GALNT13: variants seen among roughly 807,000 people sequenced by gnomAD.
The protein encoded by GALNT13 is polypeptide N-acetylgalactosaminyltransferase 13.
A neutral mutation model predicts 64.2 loss-of-function variants in GALNT13; 28 were observed. The observed-to-expected ratio is 0.44, with a 90% CI of 0.32 to 0.60. The LOEUF (loss-of-function observed/expected upper bound fraction) is 0.60. GALNT13 is among the 20% of genes least tolerant of loss of function. GALNT13 has a pLI of 0.05. For synonymous variants in GALNT13, 214 were observed against 224.6 expected, an observed-to-expected ratio of 0.95 and a Z score of 0.42; for missense variants, 577 against 669.8, an observed-to-expected ratio of 0.86 and a Z score of 1.53.
intron 5 of GALNT13, 95 bp downstream of exon 5, chr2:154,242,291 C>A: frequency 9.9e-7 from 1 of 1,005,286 alleles, no homozygotes; most frequent in Non-Finnish European, 1.5e-6. Flanking sequence ...AAAAAGATAA[C>A]TAGGCAATGA....
intron 2 of GALNT13, among the ~76,000 whole-genome samples, chr2:153,910,048 CCTT>C (rs1177724155): frequency 1.3e-5 from 2 of 150,554 alleles, no homozygotes; most frequent in African/African-American, 4.9e-5. Context: ...GTCGGTGAAT[CCTT>C]CTGGCCCTGG....
At chr2:153,109,423 T>A in the GALNT13 span, among the ~76,000 whole-genome samples, 1 of 152,174 alleles carries the variant, frequency 6.6e-6, no homozygotes, top group Non-Finnish European at 1.5e-5. Flanking sequence ...TACATGCTGC[T>A]ATGGAAAACA....
chr2:153,768,401 G>C, the GALNT13 span, among the ~76,000 whole-genome samples: 1 of 152,046 alleles, frequency 6.6e-6, no homozygotes, highest in African/African-American at 2.4e-5. Context: ...TTGAAGTCCC[G>C]TACTATTATT....
intron 4 of GALNT13, among the ~76,000 whole-genome samples, chr2:154,192,515 C>CAT (rs61549884): frequency 0.14 from 20,325 of 150,338 alleles, 1,567 homozygotes; most frequent in East Asian, 0.34. Context: ...GATTGAATGA[C>CAT]ATATATATAT....
At chr2:153,643,837 T>C in the GALNT13 span, among the ~76,000 whole-genome samples, 1 of 152,184 alleles carries the variant, frequency 6.6e-6, no homozygotes, top group Admixed American at 6.6e-5. Flanking sequence ...TACCATATCA[T>C]TTCAATCTAT....
At chr2:153,797,500 T>C in the GALNT13 span, among the ~76,000 whole-genome samples, 20 of 152,102 alleles carry the variant, frequency 1.3e-4, no homozygotes, top group Non-Finnish European at 1.8e-4. Flanking sequence ...GCTCAACATG[T>C]TTAATCTCAA....
chr2:153,994,289 G>T (rs1246457343), intron 3 of GALNT13, among the ~76,000 whole-genome samples: 1 of 152,154 alleles, frequency 6.6e-6, no homozygotes, highest in Non-Finnish European at 1.5e-5. Context: ...GCATATATGT[G>T]CCACATTTTC....
At chr2:153,136,318 T>A in the GALNT13 span, among the ~76,000 whole-genome samples, 2 of 152,080 alleles carry the variant, frequency 1.3e-5, no homozygotes, top group African/African-American at 2.4e-5. Context: ...TTTTCAAAGA[T>A]GAAAATACCA....
chr2:153,947,687 T>C (rs954380844), intron 3 of GALNT13, among the ~76,000 whole-genome samples: 9 of 152,136 alleles, frequency 5.9e-5, no homozygotes, highest in Admixed American at 2.6e-4. Flanking sequence ...TTTGTTTAAT[T>C]AGATCCCATT....
At chr2:153,836,513 T>A in the GALNT13 span, among the ~76,000 whole-genome samples, 16 of 152,096 alleles carry the variant, frequency 1.1e-4, no homozygotes, top group East Asian at 1.4e-3. Flanking sequence ...CTTTTTTTTT[T>A]TATATTTATT....
chr2:153,319,919 C>A, the GALNT13 span, among the ~76,000 whole-genome samples: 1 of 152,036 alleles, frequency 6.6e-6, no homozygotes, highest in African/African-American at 2.4e-5. Context: ...AAAATACTGG[C>A]CATTTTAGTG....
the GALNT13 span, among the ~76,000 whole-genome samples, chr2:153,424,424 T>C: frequency 6.6e-6 from 1 of 151,714 alleles, no homozygotes; most frequent in African/African-American, 2.4e-5. Context: ...AATATGCAAA[T>C]AATTTCTTCC....
the GALNT13 span, among the ~76,000 whole-genome samples, chr2:153,233,496 A>AAT: frequency 6.6e-6 from 1 of 151,858 alleles, no homozygotes; most frequent in Non-Finnish European, 1.5e-5. Flanking sequence ...TAAAAAAAAA[A>AAT]ACTGCTTGTA....
chr2:153,614,131 T>C, the GALNT13 span, among the ~76,000 whole-genome samples: 1 of 152,056 alleles, frequency 6.6e-6, no homozygotes. Flanking sequence ...AAATGAATGA[T>C]ATTTTCTTGA....
At chr2:154,280,185 C>T (rs919714546) in intron 8 of GALNT13, among the ~76,000 whole-genome samples, 10 of 152,154 alleles carry the variant, frequency 6.6e-5, no homozygotes, top group African/African-American at 2.4e-4. Flanking sequence ...TTCTTGTAAG[C>T]ATGAGAGACT....
intron 9 of GALNT13, among the ~76,000 whole-genome samples, chr2:154,372,358 A>G (rs1208828106): frequency 1.3e-5 from 2 of 152,022 alleles, no homozygotes. Flanking sequence ...AGATGTACTG[A>G]TTGATTTGTG....
the GALNT13 span, among the ~76,000 whole-genome samples, chr2:153,456,697 C>T: frequency 2.6e-4 from 40 of 152,122 alleles, no homozygotes; most frequent in Admixed American, 2.6e-3. Flanking sequence ...TTAAGTATTA[C>T]TAATATTCCT....
the GALNT13 span, among the ~76,000 whole-genome samples, chr2:153,255,108 C>T: frequency 6.6e-6 from 1 of 151,824 alleles, no homozygotes. Flanking sequence ...GAGGCTAAGT[C>T]TCTTTGTAGG....
chr2:153,633,328 A>G, the GALNT13 span, among the ~76,000 whole-genome samples: 2 of 152,196 alleles, frequency 1.3e-5, no homozygotes, highest in African/African-American at 4.8e-5. Flanking sequence ...TCTTCTTAGA[A>G]GAAATAAATA....
Sources: allele counts gnomAD v4.1 joint callset (sites outside exome capture counted in the v4.1 genomes callset), GRCh38; gene constraint gnomAD v4.1.1; transcripts MANE v1.5; gene names NCBI Gene and HGNC (gene_info 2026-07-23, HGNC 2026-07-21).